The following MED1 variants were observed in gnomAD, a reference collection of about 807,000 sequenced individuals.
MED1 encodes mediator of RNA polymerase II transcription subunit 1.
A neutral mutation model predicts 121.3 loss-of-function variants in MED1; 17 were observed. That is an observed-to-expected ratio of 0.14 (90% CI 0.10 to 0.21). The LOEUF (loss-of-function observed/expected upper bound fraction) is 0.21, where lower values mean the gene tolerates loss of function less well. MED1 is among the 10% of genes least tolerant of loss of function. The pLI, the probability that MED1 is intolerant of heterozygous loss-of-function variation, is 1.00. For missense variants in MED1, 1,558 were observed against 1,919.4 expected, an observed-to-expected ratio of 0.81 and a Z score of 3.52; for synonymous variants, 661 against 694.4, an observed-to-expected ratio of 0.95 and a Z score of 0.76.
intron 7 of MED1, 48 bp from the exon 8 acceptor site, chr17:39,432,064 C>G (rs1262949856): frequency 7.1e-7 from 1 of 1,418,104 alleles, no homozygotes; most frequent in Non-Finnish European, 9.9e-7. Context: ...AAAAATATGA[C>G]CAAGCGGGGT....
At position 39,410,039 on chromosome 17, in the gene MED1, T is replaced by G; in HGVS notation, c.2182A>C (p.Met728Leu). 6.2e-7 allele frequency: 1 copy of G among 1,614,162 alleles called. No homozygotes were observed. The highest frequency in any genetic ancestry group is 8.5e-7 in the Non-Finnish European group (1 of 1,180,034). Residue 728 changes from methionine to leucine, a missense_variant, in exon 17 of 17, where the codon ATG (methionine) becomes CTG (leucine). Coordinates refer to ENST00000300651, the MANE Select transcript of MED1 (RefSeq NM_004774.4). ...GGCGTATCCAGCGTGTCAGCTGTCA[T>G]GTTGACATCAAAGATAGGGTTCTGT... ...DSQNPIFDVN[M>L]TADTLDTPHI...
Position 39,406,068 on chromosome 17 carries a change from C to A in MED1, c.*1407G>T. 1 of 985,536 alleles carries A rather than the reference C, an allele frequency of 1.0e-6. No homozygotes were observed. The highest frequency in any genetic ancestry group is 1.2e-6 in the Non-Finnish European group (1 of 829,922). The allele number at this position is 985,536 out of a possible 1,614,324, so 61.0% of individuals were successfully genotyped here. A position where few individuals can be genotyped will look rare whatever the true frequency, so the allele number is the denominator to read the frequency against. On this transcript the variant is annotated 3_prime_UTR_variant, in exon 17 of 17. Coordinates refer to ENST00000300651, the MANE Select transcript of MED1 (RefSeq NM_004774.4). ...AGGACCCTCCAAATACTGAGAACTT[C>A]TGTTGCACTCGAAACAGTCTCCTGG...
At chr17:39,420,915 C>T (rs961222634) in intron 13 of MED1, among the ~76,000 whole-genome samples, 1 of 150,974 alleles carries the variant, frequency 6.6e-6, no homozygotes, top group African/African-American at 2.4e-5. Context: ...CCTGCCTCAG[C>T]CTCCCAAGTA....
chr17:39,434,682 A>G (rs1388689989), intron 6 of MED1, among the ~76,000 whole-genome samples: 1 of 152,084 alleles, frequency 6.6e-6, no homozygotes, highest in Non-Finnish European at 1.5e-5. Flanking sequence ...ATTTTTTTGT[A>G]GAGACGGGGT....
chr17:39,406,430 TG>T lies in MED1; in HGVS notation c.*1044del. The T allele has an allele frequency of 2.0e-6, 2 of 985,430 alleles. No homozygotes were observed. Among genetic ancestry groups the T allele is most frequent in the Non-Finnish European group, 2.4e-6 (2 of 829,932 alleles). The allele number at this position is 985,430 out of a possible 1,614,324, so 61.0% of individuals were successfully genotyped here. ...AACAAAATGCTGGGATGCAGACTTTTGGCACATTGTGGAAGTAGGAGAACTA... is the reference window on the plus strand; with the variant it reads ...AACAAAATGCTGGGATGCAGACTTTTGCACATTGTGGAAGTAGGAGAACTA... On this transcript the variant is annotated 3_prime_UTR_variant, in exon 17 of 17. Transcript: ENST00000300651.
chr17:39,432,753 C>CA (rs917371473), intron 7 of MED1, among the ~76,000 whole-genome samples: 34 of 133,024 alleles, frequency 2.6e-4, no homozygotes, highest in South Asian at 4.9e-4. Context: ...ACTCTGTCTC[C>CA]AAAAAAAAAC....
At chr17:39,446,723 G>A (rs888687818) in intron 2 of MED1, among the ~76,000 whole-genome samples, 14 of 151,030 alleles carry the variant, frequency 9.3e-5, no homozygotes, top group African/African-American at 1.2e-4. Context: ...GCAGTGAGCC[G>A]AGATCGCACC....
At chr17:39,413,695 C>T (rs957195483) in intron 16 of MED1, among the ~76,000 whole-genome samples, 2 of 151,910 alleles carry the variant, frequency 1.3e-5, no homozygotes, top group African/African-American at 2.4e-5. Context: ...CATCACACCA[C>T]TGCACTCCAG....
At chr17:39,441,901 A>G (rs931353974) in intron 3 of MED1, among the ~76,000 whole-genome samples, 4 of 152,100 alleles carry the variant, frequency 2.6e-5, no homozygotes, top group African/African-American at 9.6e-5. Context: ...TCAGGAGTCC[A>G]AGACCACCCT....
intron 16 of MED1, among the ~76,000 whole-genome samples, chr17:39,413,424 G>A (rs933683593): frequency 6.6e-6 from 1 of 151,988 alleles, no homozygotes; most frequent in African/African-American, 2.4e-5. Context: ...CACCATGCTC[G>A]GTTAATTTTC....
At chr17:39,449,577 A>G (rs1463907186) in intron 1 of MED1, among the ~76,000 whole-genome samples, 5 of 142,108 alleles carry the variant, frequency 3.5e-5, no homozygotes, top group East Asian at 4.1e-4. Context: ...CAGTGGCACT[A>G]TCTTGGCTCA....
At chr17:39,439,337 A>G (rs992949632) in intron 5 of MED1, 144 bp from the exon 6 acceptor site, 8 of 571,468 alleles carry the variant, frequency 1.4e-5, no homozygotes, top group African/African-American at 1.4e-4. Flanking sequence ...AAATATTAAA[A>G]AGCATCTTCT....
At chr17:39,411,967 A>G (rs149962447) in intron 16 of MED1, among the ~76,000 whole-genome samples, 1,557 of 151,556 alleles carry the variant, frequency 0.01, 28 homozygotes, top group African/African-American at 0.036. Flanking sequence ...AGATTGTGCC[A>G]TGGCACTCCA....
chr17:39,419,600 GAAA>G (rs369221829), intron 14 of MED1, 114 bp downstream of exon 14: 65 of 829,238 alleles, frequency 7.8e-5, no homozygotes, highest in Non-Finnish European at 1.1e-4. Context: ...TGCCAAATAT[GAAA>G]AAAAAAAAAC....
intron 13 of MED1, among the ~76,000 whole-genome samples, chr17:39,420,888 C>T (rs1406288932): frequency 1.3e-5 from 2 of 150,610 alleles, no homozygotes; most frequent in Admixed American, 6.6e-5. Flanking sequence ...CTCCACCTCC[C>T]GGGTTCACGC....
At chr17:39,441,270 G>C (rs1470116844) in intron 3 of MED1, among the ~76,000 whole-genome samples, 1 of 152,168 alleles carries the variant, frequency 6.6e-6, no homozygotes, top group African/African-American at 2.4e-5. Context: ...AATTCATAAA[G>C]ACAGGAAGCA....
intron 8 of MED1, 125 bp from the exon 9 acceptor site, chr17:39,431,313 T>C (rs1248452782): frequency 4.0e-6 from 3 of 746,542 alleles, no homozygotes; most frequent in Non-Finnish European, 6.5e-6. Context: ...GTTTCGCTCT[T>C]GTCGCCCAGG....
intron 2 of MED1, among the ~76,000 whole-genome samples, chr17:39,446,485 T>C (rs1257099410): frequency 1.9e-5 from 2 of 103,978 alleles, no homozygotes; most frequent in Admixed American, 1.1e-4. Flanking sequence ...CTACAAAAAA[T>C]ATAAAAAACT....
rs1394059748 is a variant in MED1, at chr17:39,423,574, T to C, written c.976+123A>G. 5.4e-6 allele frequency: 8 copies of C among 1,468,374 alleles called. No individual in the cohort carries two copies. In the East Asian group the frequency reaches 1.1e-4, roughly 21 times the overall value. The allele number at this position is 1,468,374 out of a possible 1,614,324, so 91.0% of individuals were successfully genotyped here. A position where few individuals can be genotyped will look rare whatever the true frequency, so the allele number is the denominator to read the frequency against. On this transcript the variant is annotated intron_variant, in intron 12 of 16. Transcript: ENST00000300651. ...AAGCATTTACTAGTACAAAGCACTA[T>C]AACATCTTTACCAGTAATACTTCAA...
Sources: gnomAD v4.1 joint callset for allele counts (sites outside exome capture counted in the v4.1 genomes callset) on GRCh38, gnomAD v4.1.1 for gene constraint, MANE v1.5 for transcripts, NCBI Gene and HGNC (gene_info 2026-07-23, HGNC 2026-07-21) for gene names.